The following BUB3 variants were observed in gnomAD, a reference collection of about 807,000 sequenced individuals.
The protein encoded by BUB3 is BUB3 mitotic checkpoint protein.
Under a neutral mutation model 39.9 loss-of-function variants are expected in BUB3, and 22 were observed. The observed-to-expected ratio is 0.55, with a 90% CI of 0.39 to 0.79. BUB3 has a LOEUF of 0.79. Ranked by LOEUF, BUB3 falls within the 30% of genes least tolerant of loss-of-function variation. BUB3 has a pLI of 0.00. For synonymous variants in BUB3, 168 were observed against 155.1 expected (o/e 1.08, Z -0.62); for missense variants, 303 against 415.4 (o/e 0.73, Z 2.35).
intron 5 of BUB3, among the ~76,000 whole-genome samples, chr10:123,161,564 T>C (rs879698641): frequency 6.6e-6 from 1 of 152,262 alleles, no homozygotes; most frequent in Non-Finnish European, 1.5e-5. Context: ...TACTGACTTA[T>C]ATATTTCTTC....
intron 3 of BUB3, 114 bp downstream of exon 3, chr10:123,155,841 A>C: frequency 1.1e-6 from 1 of 904,266 alleles, no homozygotes; most frequent in Non-Finnish European, 1.7e-6. Context: ...GCTTAAGTAC[A>C]GGTGGCTTGA....
chr10:123,160,299 G>A (rs1844403782), intron 4 of BUB3, 108 bp from the exon 5 acceptor site: 2 of 1,011,984 alleles, frequency 2.0e-6, no homozygotes, highest in Non-Finnish European at 2.8e-6. Flanking sequence ...GGGGAATTCA[G>A]TCAGCTAATT....
At chr10:123,162,905 T>C in intron 7 of BUB3, 77 bp downstream of exon 7, 1 of 1,389,552 alleles carries the variant, frequency 7.2e-7, no homozygotes, top group East Asian at 2.3e-5. Context: ...AATTCATGAA[T>C]AGCATTGTTG....
In BUB3 at chr10:123,170,319, G is replaced by A. The variant is rs192885299; in HGVS notation, c.*6484G>A. 4.2e-4 allele frequency: 64 copies of A among 152,242 alleles called. No individual in the cohort carries two copies. The highest frequency in any genetic ancestry group is 1.5e-3 in the African/African-American group (64 of 41,522). The allele number at this position is 152,242 out of a possible 1,614,324, so 9.4% of individuals were successfully genotyped here. On this transcript the variant is annotated 3_prime_UTR_variant, in exon 8 of 8. Coordinates refer to ENST00000368865, the MANE Select transcript of BUB3 (RefSeq NM_004725.4). ...CGGGATTTCTAGTTCTTAAATGCCA[G>A]TATTTTTTTTCTGTTAAAATATTTA... is the stretch of plus-strand genomic sequence containing the variant.
Position 123,155,167 on chromosome 10 carries a change from G to A in BUB3, c.195+55G>A. The A allele has an allele frequency of 3.9e-6, 6 of 1,557,124 alleles. No homozygotes were observed. In the South Asian group the frequency reaches 7.1e-5, roughly 18 times the overall value. On this transcript the variant is annotated intron_variant, in intron 2 of 7. Transcript: ENST00000368865. ...TCTTACTGTGTTAACGATTCTCCAC[G>A]TGAGGAGCGTTTCTTTTCCAGTGTT...
Position 123,162,375 on chromosome 10 carries a change from C to G in BUB3, c.716C>G (p.Ala239Gly). 4 of 1,613,986 alleles carry G rather than the reference C, an allele frequency of 2.5e-6. No individual in the cohort carries two copies. The South Asian group carries it at 3.3e-5, about 13-fold the overall frequency. Residue 239 changes from alanine (A) to glycine (G), a missense_variant, in exon 6 of 8, where the codon GCC becomes GGC. Physicochemically the swap from Ala to Gly is moderately conservative, Grantham distance 60 (BLOSUM62 0). Coordinates refer to ENST00000368865, the MANE Select transcript of BUB3 (RefSeq NM_004725.4). The stretch of plus-strand genomic sequence containing the variant: ...ATTGAGCAGATTTACCCAGTCAATG[C>G]CATTTCTTTTCACAATATCCACAAT... ...NNIEQIYPVN[A>G]ISFHNIHNTF...
chr10:123,156,893 G>A (rs112323868), intron 3 of BUB3, among the ~76,000 whole-genome samples: 10,075 of 151,980 alleles, frequency 0.066, 708 homozygotes, highest in African/African-American at 0.17. Flanking sequence ...ACAGGTGTGC[G>A]CCACCATGCT....
Position 123,157,779 on chromosome 10 carries a change from C to G in BUB3, c.316C>G (p.Pro106Ala). 1.9e-6 allele frequency: 3 copies of G among 1,613,822 alleles called. No individual in the cohort carries two copies. The highest frequency in any genetic ancestry group is 2.5e-6 in the Non-Finnish European group (3 of 1,179,922). Residue 106 changes from proline (P) to alanine (A), a missense_variant, in exon 4 of 8, where the codon CCA becomes GCA. Physicochemically the swap from Pro to Ala is conservative, Grantham distance 27. Around this residue, in one of 2 missense-constraint regions of BUB3, gnomAD observed 182 missense variants for 293.1 expected, o/e 0.62. Coordinates refer to ENST00000368865, the MANE Select transcript of BUB3 (RefSeq NM_004725.4). The part of the protein sequence containing the change: ...DAPIRCVEYC[P>A]EVNVMVTGSW... ...CCCTATCAGATGTGTTGAATACTGT[C>G]CAGAAGTGAATGTGATGGTCACTGG...
chr10:123,162,605 C>T lies in BUB3; in HGVS notation c.755-7C>T, dbSNP rs1844439431. The T allele has an allele frequency of 1.2e-6, 2 of 1,601,600 alleles. No homozygotes were observed. Among genetic ancestry groups the T allele is most frequent in the Middle Eastern group, 1.7e-4 (1 of 6,020 alleles). ...AACCATTTTAACTGTTTTGAAATTA[C>T]TTCCAGGTGGTTCTGATGGCTTTGT... On this transcript the variant is annotated splice_polypyrimidine_tract_variant and splice_region_variant and intron_variant, in intron 6 of 7. Coordinates refer to ENST00000368865, the MANE Select transcript of BUB3 (RefSeq NM_004725.4).
Position 123,165,766 on chromosome 10 carries a change from A to G in BUB3, c.*1931A>G, listed in dbSNP as rs1589692690. ...TAGTCCACACAGAGCCAAATAACAG[A>G]CCCTTCTGTACTTAGCCATCAAATA... is the stretch of plus-strand genomic sequence containing the variant. On this transcript the variant is annotated 3_prime_UTR_variant, in exon 8 of 8. Coordinates refer to ENST00000368865, the MANE Select transcript of BUB3 (RefSeq NM_004725.4). The G allele has an allele frequency of 6.6e-6, 1 of 151,084 alleles. No individual in the cohort carries two copies. The highest frequency in any genetic ancestry group is 6.6e-5 in the Admixed American group (1 of 15,198). The allele number at this position is 151,084 out of a possible 1,614,324, so 9.4% of individuals were successfully genotyped here.
At chr10:123,154,769 C>G in intron 1 of BUB3, 149 bp from the exon 2 acceptor site, 1 of 822,482 alleles carries the variant, frequency 1.2e-6, no homozygotes, top group Non-Finnish European at 1.8e-6. Context: ...CGGACCTTGG[C>G]GGGCGAGTGC....
chr10:123,163,725 G>A, intron 7 of BUB3, 95 bp from the exon 8 acceptor site: 1 of 1,105,760 alleles, frequency 9.0e-7, no homozygotes, highest in Middle Eastern at 2.0e-4. Flanking sequence ...GTTGGATAAA[G>A]GGCTGTGTTT....
chr10:123,164,268 A>G lies in BUB3; in HGVS notation c.*433A>G. ...GTTGCTAATTCTAAAGCTGCTTCAG[A>G]CTGCTTCATGAGGAGGTTAATCTAC... On this transcript the variant is annotated 3_prime_UTR_variant, in exon 8 of 8. Coordinates refer to ENST00000368865, the MANE Select transcript of BUB3 (RefSeq NM_004725.4). 2.0e-6 allele frequency: 2 copies of G among 988,018 alleles called. No individual in the cohort carries two copies. Among genetic ancestry groups the G allele is most frequent in the Non-Finnish European group, 2.4e-6 (2 of 831,908 alleles). 61.2% of individuals were successfully genotyped at this position (988,018 alleles called of 1,614,324 possible). A position where few individuals can be genotyped will look rare whatever the true frequency, so the allele number is the denominator to read the frequency against.
intron 2 of BUB3, 130 bp downstream of exon 2, chr10:123,155,242 C>CA: frequency 9.5e-7 from 1 of 1,051,784 alleles, no homozygotes; most frequent in Non-Finnish European, 1.3e-6. Flanking sequence ...TTTAGCTTTT[C>CA]AGGAGCATCT....
Position 123,165,971 on chromosome 10 carries a change from A to G in BUB3, c.*2136A>G, listed in dbSNP as rs1589692786. 1 of 152,266 alleles carries G rather than the reference A, an allele frequency of 6.6e-6. No individual in the cohort carries two copies. The highest frequency in any genetic ancestry group is 1.9e-4 in the East Asian group (1 of 5,172). 9.4% of individuals were successfully genotyped at this position (152,266 alleles called of 1,614,324 possible). On this transcript the variant is annotated 3_prime_UTR_variant, in exon 8 of 8. Coordinates refer to ENST00000368865, the MANE Select transcript of BUB3 (RefSeq NM_004725.4). ...AATATAGTATTGTTATAGGTAACCAAATTATAGTAATGTGGACTTGTTTTT... is the reference window on the plus strand; with the variant it reads ...AATATAGTATTGTTATAGGTAACCAGATTATAGTAATGTGGACTTGTTTTT...
At chr10:123,160,158 T>C (rs550866719) in intron 4 of BUB3, among the ~76,000 whole-genome samples, 13 of 152,322 alleles carry the variant, frequency 8.5e-5, no homozygotes, top group African/African-American at 2.9e-4. Context: ...CTTCAAAAGC[T>C]CCTTTACAGA....
intron 3 of BUB3, among the ~76,000 whole-genome samples, chr10:123,156,359 T>C (rs1844347902): frequency 6.6e-6 from 1 of 152,224 alleles, no homozygotes; most frequent in African/African-American, 2.4e-5. Flanking sequence ...TAGCTGAACA[T>C]TTGTTTGCAT....
rs1203130903 is a variant in BUB3, at chr10:123,165,483, C to T, written c.*1648C>T. ...GACATTTTACCTTTAAGTCCACTCT[C>T]CCTCGTTTAATTGTCTCCTCTGATG... is the stretch of plus-strand genomic sequence containing the variant. On this transcript the variant is annotated 3_prime_UTR_variant, in exon 8 of 8. Transcript: ENST00000368865. The T allele has an allele frequency of 6.3e-6, 1 of 158,586 alleles. No homozygotes were observed. The highest frequency in any genetic ancestry group is 1.4e-5 in the Non-Finnish European group (1 of 72,158). 9.8% of individuals were successfully genotyped at this position (158,586 alleles called of 1,614,324 possible).
intron 3 of BUB3, among the ~76,000 whole-genome samples, chr10:123,156,780 T>C (rs377300276): frequency 5.5e-5 from 8 of 144,404 alleles, no homozygotes; most frequent in African/African-American, 2.1e-4. Context: ...AGAGTCTCAC[T>C]CTGTTGACCA....
Sources: allele counts gnomAD v4.1 joint callset (sites outside exome capture counted in the v4.1 genomes callset), GRCh38; gene constraint gnomAD v4.1.1; regional missense constraint gnomAD v4.1.1; transcripts MANE v1.5; gene names NCBI Gene and HGNC (gene_info 2026-07-23, HGNC 2026-07-21).